The following CAMK2D variants were observed in gnomAD, a reference collection of about 807,000 sequenced individuals.
CAMK2D encodes calcium/calmodulin dependent protein kinase II delta, also known as calcium/calmodulin-dependent protein kinase type II subunit delta.
A neutral mutation model predicts 84.0 loss-of-function variants in CAMK2D; 37 were observed. The observed-to-expected ratio is 0.44, with a 90% CI of 0.34 to 0.58. CAMK2D has a LOEUF of 0.58. Ranked by LOEUF, CAMK2D falls within the 20% of genes least tolerant of loss-of-function variation. The pLI is 0.02. For synonymous variants in CAMK2D, 202 were observed against 212.5 expected (o/e 0.95, Z 0.43); for missense variants, 448 against 652.5 (o/e 0.69, Z 3.41).
At chr4:113,694,649 T>C (rs2099397525) in intron 2 of CAMK2D, among the ~76,000 whole-genome samples, 1 of 152,122 alleles carries the variant, frequency 6.6e-6, no homozygotes, top group Admixed American at 6.6e-5. Flanking sequence ...GTGCACTCTA[T>C]CTTACTCTGT....
intron 8 of CAMK2D, among the ~76,000 whole-genome samples, chr4:113,529,804 T>C (rs2098446039): frequency 6.6e-6 from 1 of 152,196 alleles, no homozygotes; most frequent in Non-Finnish European, 1.5e-5. Context: ...TCTTAAACTC[T>C]GCCAAGTATC....
intron 8 of CAMK2D, among the ~76,000 whole-genome samples, chr4:113,525,190 C>T (rs921858591): frequency 9.9e-5 from 15 of 152,174 alleles, no homozygotes; most frequent in Non-Finnish European, 1.8e-4. Context: ...AGTCAAGGTA[C>T]ATTTGTGACA....
chr4:113,609,141 T>C lies in CAMK2D; in HGVS notation c.275+11A>G. 2.1e-6 allele frequency: 3 copies of C among 1,438,778 alleles called. No individual in the cohort carries two copies. In the East Asian group the frequency reaches 6.8e-5, roughly 33 times the overall value. 89.1% of individuals were successfully genotyped at this position (1,438,778 alleles called of 1,614,324 possible). ...GATTGCAAAAATAATGAATACAGAG[T>C]ATATACTTACAAATCAAACACCAAG... On this transcript the variant is annotated intron_variant, in intron 4 of 20. Coordinates refer to ENST00000511664, the MANE Select transcript of CAMK2D (RefSeq NM_001321571.2).
chr4:113,657,784 A>C (rs1465451893), intron 3 of CAMK2D, among the ~76,000 whole-genome samples: 1 of 152,176 alleles, frequency 6.6e-6, no homozygotes, highest in Admixed American at 6.5e-5. Flanking sequence ...CAAGAGAAAG[A>C]CACATTCAAA....
intron 7 of CAMK2D, among the ~76,000 whole-genome samples, chr4:113,535,084 T>A (rs1017311177): frequency 1.3e-5 from 2 of 152,180 alleles, no homozygotes; most frequent in Non-Finnish European, 2.9e-5. Flanking sequence ...TCAGACCTGA[T>A]AACAAAGGCT....
At chr4:113,684,511 A>T (rs1161595244) in intron 2 of CAMK2D, among the ~76,000 whole-genome samples, 1 of 152,154 alleles carries the variant, frequency 6.6e-6, no homozygotes, top group Non-Finnish European at 1.5e-5. Flanking sequence ...GAAAAGAATG[A>T]TTGCTTTTTT....
rs758410405 is a variant in CAMK2D, at chr4:113,505,018, G to A, written c.1002C>T (p.Asn334=). Residue 334 remains asparagine, a synonymous_variant, in exon 14 of 21, where the codon AAC becomes AAT. Coordinates refer to ENST00000511664, the MANE Select transcript of CAMK2D (RefSeq NM_001321571.2). ...PDGVKINNKA[N]VVTSPKENIP... is the part of the protein sequence containing the mutation. Reference sequence around the variant, plus strand: ...TATTTTCTTTGGGGCTGGTTACCACGTTGGCTTTGTTGTTTATCTGTGGGT... The same window carrying A: ...TATTTTCTTTGGGGCTGGTTACCACATTGGCTTTGTTGTTTATCTGTGGGT... 4 of 1,581,190 alleles carry A rather than the reference G, an allele frequency of 2.5e-6. No homozygotes were observed. Among genetic ancestry groups the A allele is most frequent in the Non-Finnish European group, 3.4e-6 (4 of 1,170,832 alleles).
chr4:113,633,178 T>C lies in CAMK2D; in HGVS notation c.221-23972A>G, dbSNP rs565078694. Among the ~76,000 whole-genome samples the C allele has an allele frequency of 1.5e-4, 23 of 152,328 alleles. No individual in the cohort carries two copies. The East Asian group carries it at 3.7e-3, about 24-fold the overall frequency. On this transcript the variant is annotated intron_variant, in intron 3 of 20. Transcript: ENST00000511664. Reference sequence around the variant, plus strand: ...TCTTCATGGGCTGTGAGATTATCTATGTATACAAATAAATTTAAGAAAACA... The same window carrying C: ...TCTTCATGGGCTGTGAGATTATCTACGTATACAAATAAATTTAAGAAAACA...
chr4:113,466,712 T>C (rs986445047), intron 16 of CAMK2D, among the ~76,000 whole-genome samples: 3 of 152,210 alleles, frequency 2.0e-5, no homozygotes, highest in African/African-American at 7.2e-5. Flanking sequence ...TTATTAATAG[T>C]GGTTTGGCTC....
At position 113,537,277 on chromosome 4, in the gene CAMK2D, A is replaced by G. The variant is rs537524572; in HGVS notation, c.517+64T>C. ...CATTTTATTTTCACTAGGAAGTGGG[A>G]TTAGGAGCCAGAATTCAGAAGCCAG... On this transcript the variant is annotated intron_variant, in intron 7 of 20. Coordinates refer to ENST00000511664, the MANE Select transcript of CAMK2D (RefSeq NM_001321571.2). 1.4e-4 allele frequency: 115 copies of G among 805,218 alleles called. No homozygotes were observed. The African/African-American group carries it at 2.0e-3, about 14-fold the overall frequency. The allele number at this position is 805,218 out of a possible 1,614,324, so 49.9% of individuals were successfully genotyped here.
intron 11 of CAMK2D, among the ~76,000 whole-genome samples, 164 bp from the exon 12 acceptor site, chr4:113,513,534 T>C (rs1050906550): frequency 6.6e-6 from 1 of 152,186 alleles, no homozygotes; most frequent in Non-Finnish European, 1.5e-5. Flanking sequence ...CAAAGGCCTT[T>C]GTCTCTCATG....
intron 3 of CAMK2D, among the ~76,000 whole-genome samples, chr4:113,624,888 GCTGA>G (rs1315518065): frequency 2.0e-5 from 3 of 152,178 alleles, no homozygotes; most frequent in South Asian, 2.1e-4. Context: ...TGCAGAGAAA[GCTGA>G]CTTTCAACTT....
At chr4:113,462,315 T>C (rs1318484580) in intron 17 of CAMK2D, among the ~76,000 whole-genome samples, 3 of 141,156 alleles carry the variant, frequency 2.1e-5, no homozygotes. Context: ...TGTCTGTCTG[T>C]CTGTCTGTCT....
At chr4:113,737,000 T>C (rs1225459448) in intron 2 of CAMK2D, among the ~76,000 whole-genome samples, 3 of 152,032 alleles carry the variant, frequency 2.0e-5, no homozygotes, top group South Asian at 2.1e-4. Flanking sequence ...AACATCTCTA[T>C]TTATGTCATA....
At chr4:113,656,463 T>G (rs1444498267) in intron 3 of CAMK2D, among the ~76,000 whole-genome samples, 1 of 152,166 alleles carries the variant, frequency 6.6e-6, no homozygotes, top group Non-Finnish European at 1.5e-5. Flanking sequence ...CTATTATCAC[T>G]GATTGTGCTC....
intron 3 of CAMK2D, among the ~76,000 whole-genome samples, chr4:113,628,829 A>C (rs2099077836): frequency 6.6e-6 from 1 of 152,052 alleles, no homozygotes; most frequent in Admixed American, 6.6e-5. Context: ...AATATCTCCT[A>C]AACAAAAATG....
chr4:113,621,587 T>C (rs1450679909), intron 3 of CAMK2D, among the ~76,000 whole-genome samples: 1 of 152,218 alleles, frequency 6.6e-6, no homozygotes, highest in African/African-American at 2.4e-5. Context: ...TCATGAATAG[T>C]TGTACCTAAG....
chr4:113,490,010 G>T (rs1435666783), intron 16 of CAMK2D, among the ~76,000 whole-genome samples: 7 of 151,856 alleles, frequency 4.6e-5, no homozygotes, highest in African/African-American at 1.7e-4. Flanking sequence ...TCTTGTAAAT[G>T]TGTTTGAGTT....
chr4:113,761,205 G>A lies in CAMK2D; in HGVS notation c.-137C>T, dbSNP rs1419387224. ...TTCCTGGTCCGAAAGTAGCTCGCCC[G>A]CGAGGGAGTGTGCGCAGGGGCGGGG... On this transcript the variant is annotated 5_prime_UTR_variant, in exon 1 of 21. Coordinates refer to ENST00000511664, the MANE Select transcript of CAMK2D (RefSeq NM_001321571.2). 6 of 1,549,138 alleles carry A rather than the reference G, an allele frequency of 3.9e-6. No individual in the cohort carries two copies. Among genetic ancestry groups the A allele is most frequent in the Non-Finnish European group, 5.2e-6 (6 of 1,153,186 alleles).
Sources: allele counts gnomAD v4.1 joint callset (sites outside exome capture counted in the v4.1 genomes callset), GRCh38; gene constraint gnomAD v4.1.1; transcripts MANE v1.5; gene names NCBI Gene and HGNC (gene_info 2026-07-23, HGNC 2026-07-21).